Variants in PLEKHM3 observed in about 807,000 individuals in gnomAD.
PLEKHM3 encodes pleckstrin homology domain-containing family M member 3.
Under a neutral mutation model 81.8 loss-of-function variants are expected in PLEKHM3, and 45 were observed. The ratio of observed to expected loss-of-function variants is 0.55; its 90% confidence interval spans 0.43 to 0.71. The LOEUF is 0.71. Ranked by LOEUF, PLEKHM3 falls within the 30% of genes least tolerant of loss-of-function variation. The pLI, the probability that PLEKHM3 is intolerant of heterozygous loss-of-function variation, is 0.00. For missense variants in PLEKHM3, 788 were observed against 924.3 expected (o/e 0.85, Z 1.91); for synonymous variants, 352 against 356.4 (o/e 0.99, Z 0.14).
At chr2:207,830,506 G>T (rs555374849) in intron 7 of PLEKHM3, among the ~76,000 whole-genome samples, 1 of 151,736 alleles carries the variant, frequency 6.6e-6, no homozygotes, top group Admixed American at 6.6e-5. Context: ...CCAGCTACTC[G>T]GGAGGCTGAG....
intron 6 of PLEKHM3, among the ~76,000 whole-genome samples, chr2:207,874,446 C>G (rs1035896850): frequency 1.3e-5 from 2 of 151,856 alleles, no homozygotes; most frequent in African/African-American, 4.8e-5. Context: ...TGATGGCACA[C>G]GCCTGTAATC....
intron 2 of PLEKHM3, among the ~76,000 whole-genome samples, chr2:207,996,601 T>C (rs1233893768): frequency 6.6e-6 from 1 of 152,106 alleles, no homozygotes; most frequent in Non-Finnish European, 1.5e-5. Context: ...TAAGAAACAA[T>C]CGCTTCCATC....
At chr2:208,022,147 T>A (rs915627426) in intron 1 of PLEKHM3, among the ~76,000 whole-genome samples, 3 of 152,208 alleles carry the variant, frequency 2.0e-5, no homozygotes, top group African/African-American at 7.2e-5. Context: ...CAAGTGTGCA[T>A]CCCTCCTAGC....
intron 7 of PLEKHM3, among the ~76,000 whole-genome samples, chr2:207,831,366 C>T (rs1398312412): frequency 6.6e-6 from 1 of 152,230 alleles, no homozygotes; most frequent in Non-Finnish European, 1.5e-5. Context: ...TCTTACCGAG[C>T]ACCACGCTGC....
chr2:207,963,622 T>C lies in PLEKHM3; in HGVS notation c.1546+13029A>G, dbSNP rs145838927. On this transcript the variant is annotated intron_variant, in intron 3 of 7. Coordinates refer to ENST00000427836, the MANE Select transcript of PLEKHM3 (RefSeq NM_001080475.3). ...GATCTCAAAACTCAAACACCAACTA[T>C]GTTTACCAAGTATAAAATAAAAATT... Among the ~76,000 whole-genome samples, 74 of 152,290 alleles carry C rather than the reference T, an allele frequency of 4.9e-4. No individual in the cohort carries two copies. The East Asian group carries it at 6.2e-3, about 13-fold the overall frequency.
At chr2:207,927,641 C>T (rs1164833670) in intron 5 of PLEKHM3, among the ~76,000 whole-genome samples, 1 of 142,534 alleles carries the variant, frequency 7.0e-6, no homozygotes, top group East Asian at 2.2e-4. Context: ...ACCAGCCTGG[C>T]CAACATGGTG....
chr2:207,961,438 C>T (rs1219334119), intron 3 of PLEKHM3, among the ~76,000 whole-genome samples: 1 of 152,212 alleles, frequency 6.6e-6, no homozygotes, highest in African/African-American at 2.4e-5. Context: ...TGTGATTTTT[C>T]AATCTTTTGG....
In PLEKHM3 at chr2:208,015,941, C is replaced by G. The variant is rs1692894718; in HGVS notation, c.-319+9448G>C. Among the ~76,000 whole-genome samples, 3 of 152,168 alleles carry G rather than the reference C, an allele frequency of 2.0e-5. No homozygotes were observed. The South Asian group carries it at 6.2e-4, about 32-fold the overall frequency. ...AGGCACGGTGGCTCATGCCCGTAATCCCAGCACTTTGGGAGGCCGAGGCAG... is the reference window on the plus strand; with the variant it reads ...AGGCACGGTGGCTCATGCCCGTAATGCCAGCACTTTGGGAGGCCGAGGCAG... On this transcript the variant is annotated intron_variant, in intron 1 of 7. Coordinates refer to ENST00000427836, the MANE Select transcript of PLEKHM3 (RefSeq NM_001080475.3).
chr2:207,998,180 T>C (rs1248685959), intron 2 of PLEKHM3, among the ~76,000 whole-genome samples: 1 of 152,232 alleles, frequency 6.6e-6, no homozygotes, highest in Non-Finnish European at 1.5e-5. Context: ...GCATGCCATT[T>C]ACTCACATTC....
At chr2:207,893,826 A>G (rs1688138571) in intron 6 of PLEKHM3, among the ~76,000 whole-genome samples, 2 of 152,118 alleles carry the variant, frequency 1.3e-5, no homozygotes, top group African/African-American at 4.8e-5. Flanking sequence ...AACAAAAACA[A>G]AAAGCAAGGC....
chr2:207,964,717 A>AT (rs1361080077), intron 3 of PLEKHM3, among the ~76,000 whole-genome samples: 1 of 152,078 alleles, frequency 6.6e-6, no homozygotes, highest in Non-Finnish European at 1.5e-5. Flanking sequence ...GGCTTGCTCC[A>AT]TTTTTCACCT....
intron 3 of PLEKHM3, among the ~76,000 whole-genome samples, chr2:207,973,321 A>T (rs921329085): frequency 4.6e-5 from 7 of 152,278 alleles, no homozygotes; most frequent in Non-Finnish European, 1.0e-4. Context: ...CTCTGATATA[A>T]TGAACAGTCT....
chr2:207,953,731 G>A (rs1386435562), intron 3 of PLEKHM3, among the ~76,000 whole-genome samples: 1 of 151,898 alleles, frequency 6.6e-6, no homozygotes, highest in Admixed American at 6.6e-5. Flanking sequence ...TCCTGGGGCA[G>A]GAGAATTGCT....
intron 7 of PLEKHM3, among the ~76,000 whole-genome samples, chr2:207,830,696 AAGTG>A (rs2092282146): frequency 2.5e-4 from 5 of 19,738 alleles, no homozygotes; most frequent in Admixed American, 1.4e-3. Context: ...CACTTCTTCT[AAGTG>A]TCCTTAGAAG....
chr2:207,996,924 T>C (rs1351936093), intron 2 of PLEKHM3, among the ~76,000 whole-genome samples: 1 of 151,744 alleles, frequency 6.6e-6, no homozygotes, highest in East Asian at 1.9e-4. Flanking sequence ...AACATGGTTC[T>C]AAGAAGCACT....
chr2:208,023,308 C>G (rs1693189436), intron 1 of PLEKHM3, among the ~76,000 whole-genome samples: 1 of 152,038 alleles, frequency 6.6e-6, no homozygotes. Flanking sequence ...ATATCCAGCC[C>G]CATCTTAACT....
intron 6 of PLEKHM3, among the ~76,000 whole-genome samples, chr2:207,866,826 C>T (rs1272987231): frequency 6.6e-6 from 1 of 152,196 alleles, no homozygotes; most frequent in Non-Finnish European, 1.5e-5. Flanking sequence ...ACTTCAGACA[C>T]CATAAATCTC....
chr2:208,004,711 A>G (rs982495639), intron 1 of PLEKHM3, among the ~76,000 whole-genome samples: 4 of 152,278 alleles, frequency 2.6e-5, no homozygotes, highest in African/African-American at 9.6e-5. Context: ...AATTGTTCAT[A>G]TGACCCTCCC....
rs1235620940 is a variant in PLEKHM3 at position 207,983,078 on chromosome 2, G to GTC, written c.611-5494_611-5493dup. On this transcript the variant is annotated intron_variant, in intron 2 of 7. Transcript: ENST00000427836. ...TTTTTTTTTTTTTTTTTGAGACGGA[G>GTC]TCTCGCTCTGTCGCCCAGGCTGGAG... 4.3e-5 allele frequency among the ~76,000 whole-genome samples: 6 copies of GTC among 140,424 alleles called. No homozygotes were observed. In the East Asian group the frequency reaches 1.2e-3, roughly 29 times the overall value. The allele number at this position is 140,424 out of a possible 152,430, so 92.1% of individuals were successfully genotyped here.
Sources: allele counts gnomAD v4.1 joint callset (sites outside exome capture counted in the v4.1 genomes callset), GRCh38; gene constraint gnomAD v4.1.1; transcripts MANE v1.5; gene names NCBI Gene and HGNC (gene_info 2026-07-23, HGNC 2026-07-21).